LTBP1: variants seen among roughly 807,000 people sequenced by gnomAD.
LTBP1 encodes latent transforming growth factor beta binding protein 1, also known as latent-transforming growth factor beta-binding protein 1.
LTBP1 carries 129 observed loss-of-function variants against 207.6 expected under a neutral mutation model. That is an observed-to-expected ratio of 0.62 (90% confidence interval 0.54 to 0.72). The LOEUF is 0.72. Ranked by LOEUF, LTBP1 falls within the 30% of genes least tolerant of loss-of-function variation. LTBP1 has a pLI of 0.00. For synonymous variants in LTBP1, 963 were observed against 833.7 expected (o/e 1.16, Z -2.67); for missense variants, 2,281 against 2,217.2 (o/e 1.03, Z -0.58).
At chr2:33,004,734 C>G (rs553596768) in intron 2 of LTBP1, among the ~76,000 whole-genome samples, 1 of 142,092 alleles carries the variant, frequency 7.0e-6, no homozygotes, top group East Asian at 2.2e-4. Context: ...AAGATTGTGC[C>G]ACTGCACTTC....
intron 22 of LTBP1, among the ~76,000 whole-genome samples, chr2:33,303,818 C>T (rs918316307): frequency 2.6e-5 from 4 of 152,106 alleles, no homozygotes; most frequent in Non-Finnish European, 4.4e-5. Context: ...CAGTGCCGCC[C>T]GGTTCCTAAC....
intron 3 of LTBP1, 116 bp from the exon 4 acceptor site, chr2:33,110,466 C>A: frequency 1.1e-6 from 1 of 904,150 alleles, no homozygotes; most frequent in Non-Finnish European, 1.7e-6. Flanking sequence ...AAAAAATGAG[C>A]CTTGCTTGGA....
At chr2:33,244,600 A>C (rs926272954) in intron 10 of LTBP1, among the ~76,000 whole-genome samples, 13 of 152,194 alleles carry the variant, frequency 8.5e-5, no homozygotes, top group African/African-American at 3.1e-4. Flanking sequence ...AGAATGTCTT[A>C]TTTTTAAAGT....
chr2:32,984,685 C>T (rs1207030907), intron 2 of LTBP1, among the ~76,000 whole-genome samples: 2 of 151,826 alleles, frequency 1.3e-5, no homozygotes, highest in Non-Finnish European at 2.9e-5. Flanking sequence ...ACTTTGGAGG[C>T]CGAGGCGGAT....
chr2:33,392,746 T>A (rs1285911369), intron 32 of LTBP1, among the ~76,000 whole-genome samples: 2 of 152,240 alleles, frequency 1.3e-5, no homozygotes, highest in Non-Finnish European at 2.9e-5. Context: ...TTTTAATTTC[T>A]GTAATAATAA....
At chr2:33,156,246 A>G (rs1412283386) in intron 5 of LTBP1, among the ~76,000 whole-genome samples, 1 of 152,216 alleles carries the variant, frequency 6.6e-6, no homozygotes, top group East Asian at 1.9e-4. Flanking sequence ...ATCCTTCAGA[A>G]TCCCAGGGTT....
intron 7 of LTBP1, among the ~76,000 whole-genome samples, chr2:33,209,411 G>A (rs75917168): frequency 3.3e-5 from 5 of 152,112 alleles, no homozygotes; most frequent in Non-Finnish European, 7.4e-5. Flanking sequence ...CCAAAACATA[G>A]CACCATGACA....
intron 3 of LTBP1, among the ~76,000 whole-genome samples, chr2:33,096,372 T>C (rs553951689): frequency 6.6e-5 from 10 of 152,328 alleles, no homozygotes; most frequent in Non-Finnish European, 1.0e-4. Context: ...CAAGAATTTC[T>C]GAAGGAATTT....
At chr2:32,949,172 T>C (rs926987957) in intron 2 of LTBP1, among the ~76,000 whole-genome samples, 11 of 152,184 alleles carry the variant, frequency 7.2e-5, no homozygotes, top group African/African-American at 2.7e-4. Flanking sequence ...ATCCAAGACT[T>C]CTCTGAACTC....
At chr2:33,286,568 C>T (rs1442598115) in intron 19 of LTBP1, among the ~76,000 whole-genome samples, 1 of 152,206 alleles carries the variant, frequency 6.6e-6, no homozygotes. Context: ...AGCTTTATCC[C>T]TACATTATTA....
At chr2:33,175,250 C>T (rs1192566406) in intron 5 of LTBP1, among the ~76,000 whole-genome samples, 29 of 151,504 alleles carry the variant, frequency 1.9e-4, no homozygotes, top group African/African-American at 5.8e-4. Context: ...ATTTTTGCAA[C>T]CTACTCATCT....
At chr2:33,004,786 A>G (rs1573034099) in intron 2 of LTBP1, among the ~76,000 whole-genome samples, 1 of 101,130 alleles carries the variant, frequency 9.9e-6, no homozygotes, top group Non-Finnish European at 1.9e-5. Flanking sequence ...AAAAAAAAGG[A>G]ATATATATAT....
At chr2:33,045,908 C>T (rs1267292865) in intron 3 of LTBP1, among the ~76,000 whole-genome samples, 1 of 152,112 alleles carries the variant, frequency 6.6e-6, no homozygotes, top group Non-Finnish European at 1.5e-5. Flanking sequence ...TGATTTGGCT[C>T]TCTGTCTGTC....
chr2:33,080,642 C>T (rs1337341489), intron 3 of LTBP1, among the ~76,000 whole-genome samples: 3 of 152,020 alleles, frequency 2.0e-5, no homozygotes, highest in African/African-American at 2.4e-5. Flanking sequence ...TTTTTCTTTA[C>T]TGATTTGTTC....
At chr2:33,177,070 A>G (rs951348504) in intron 5 of LTBP1, among the ~76,000 whole-genome samples, 3 of 152,134 alleles carry the variant, frequency 2.0e-5, no homozygotes, top group African/African-American at 4.8e-5. Context: ...AACTTACCCA[A>G]TGTCCTGCCA....
chr2:33,357,588 G>C (rs79356400), intron 26 of LTBP1, among the ~76,000 whole-genome samples: 5,296 of 152,116 alleles, frequency 0.035, 132 homozygotes, highest in Admixed American at 0.045. Flanking sequence ...ACATGAAAAG[G>C]CCTCTGTAAA....
At chr2:33,364,748 G>C (rs2094964233) in intron 30 of LTBP1, among the ~76,000 whole-genome samples, 1 of 152,212 alleles carries the variant, frequency 6.6e-6, no homozygotes, top group African/African-American at 2.4e-5. Context: ...TCAACAGGGT[G>C]GTGGAGAGCC....
At chr2:33,396,111 T>C (rs775866614) in intron 32 of LTBP1, among the ~76,000 whole-genome samples, 1 of 152,112 alleles carries the variant, frequency 6.6e-6, no homozygotes, top group Non-Finnish European at 1.5e-5. Context: ...TTTCAAGAGA[T>C]CTAAACTATA....
At chr2:33,028,537 G>C (rs1006455772) in intron 3 of LTBP1, among the ~76,000 whole-genome samples, 16 of 152,070 alleles carry the variant, frequency 1.1e-4, no homozygotes, top group African/African-American at 3.9e-4. Context: ...GCATAGTGGC[G>C]AGCGCCTGTA....
Sources: gnomAD v4.1 joint callset for allele counts (sites outside exome capture counted in the v4.1 genomes callset) on GRCh38, gnomAD v4.1.1 for gene constraint, MANE v1.5 for transcripts, NCBI Gene and HGNC (gene_info 2026-07-23, HGNC 2026-07-21) for gene names.